The following FER variants were observed in gnomAD, a reference collection of about 807,000 sequenced individuals.
FER encodes the protein tyrosine-protein kinase Fer.
A neutral mutation model predicts 111.0 loss-of-function variants in FER; 63 were observed. The ratio of observed to expected loss-of-function variants is 0.57; its 90% confidence interval spans 0.46 to 0.70. The LOEUF (loss-of-function observed/expected upper bound fraction) is 0.70, where lower values mean the gene tolerates loss of function less well. Ranked by LOEUF, FER falls within the 30% of genes least tolerant of loss-of-function variation. FER has a pLI of 0.00. For missense variants in FER, 914 were observed against 954.0 expected (o/e 0.96, Z 0.55); for synonymous variants, 327 against 313.9 (o/e 1.04, Z -0.44).
intron 16 of FER, among the ~76,000 whole-genome samples, chr5:109,071,062 C>G (rs1458140207): frequency 6.6e-6 from 1 of 151,970 alleles, no homozygotes; most frequent in African/African-American, 2.4e-5. Context: ...TGTCTATCTT[C>G]TATTAATGAG....
chr5:109,131,094 G>C (rs1452533996), intron 17 of FER, among the ~76,000 whole-genome samples: 5 of 152,138 alleles, frequency 3.3e-5, no homozygotes, highest in Admixed American at 2.6e-4. Flanking sequence ...TTAGAGAAGA[G>C]AGAAACTGAT....
At chr5:108,913,883 G>A (rs949140071) in intron 10 of FER, among the ~76,000 whole-genome samples, 66 of 152,258 alleles carry the variant, frequency 4.3e-4, no homozygotes, top group African/African-American at 1.3e-3. Flanking sequence ...ATAATGCTAA[G>A]TGAAAAGACA....
chr5:109,125,560 A>G (rs1040513065), intron 17 of FER, among the ~76,000 whole-genome samples: 1 of 152,210 alleles, frequency 6.6e-6, no homozygotes, highest in African/African-American at 2.4e-5. Flanking sequence ...AGTCTATGAA[A>G]TTAGGATAAT....
At chr5:109,128,416 A>G (rs986824944) in intron 17 of FER, among the ~76,000 whole-genome samples, 11 of 152,174 alleles carry the variant, frequency 7.2e-5, no homozygotes, top group Non-Finnish European at 1.0e-4. Context: ...GTCATTCACA[A>G]TAAACACTTT....
At chr5:109,051,633 A>T (rs190798243) in intron 16 of FER, 19,867 of 1,588,288 alleles carry the variant, frequency 0.013, 236 homozygotes, top group Non-Finnish European at 0.013. Context: ...GCGAGAGGGG[A>T]GCAGTTGGTG....
chr5:108,821,067 G>T (rs564548773), intron 3 of FER, among the ~76,000 whole-genome samples: 1 of 152,328 alleles, frequency 6.6e-6, no homozygotes, highest in East Asian at 1.9e-4. Context: ...AGCCAGGATT[G>T]CTCCACTGTA....
chr5:109,123,540 T>C (rs1294832120), intron 17 of FER, among the ~76,000 whole-genome samples: 1 of 152,092 alleles, frequency 6.6e-6, no homozygotes, highest in East Asian at 1.9e-4. Flanking sequence ...TTTTTGTATA[T>C]CTCTTGTATG....
At chr5:108,964,372 T>G (rs1010352282) in intron 13 of FER, among the ~76,000 whole-genome samples, 23 of 152,260 alleles carry the variant, frequency 1.5e-4, no homozygotes, top group African/African-American at 5.1e-4. Context: ...TCTGTGTGGT[T>G]GTATAAAGGG....
intron 13 of FER, among the ~76,000 whole-genome samples, chr5:108,968,362 G>T (rs1458429209): frequency 1.3e-5 from 2 of 152,068 alleles, no homozygotes; most frequent in Non-Finnish European, 2.9e-5. Flanking sequence ...CCTCTAGCCT[G>T]GGCCACAGAG....
intron 1 of FER, among the ~76,000 whole-genome samples, chr5:108,762,517 G>A (rs2900035): frequency 0.44 from 66,639 of 151,940 alleles, 16,653 homozygotes; most frequent in African/African-American, 0.69. Context: ...CTTTTTAGAC[G>A]TAAGAGATCA....
At chr5:109,076,020 A>G (rs1033901346) in intron 16 of FER, among the ~76,000 whole-genome samples, 19 of 152,106 alleles carry the variant, frequency 1.2e-4, no homozygotes, top group Non-Finnish European at 1.5e-5. Flanking sequence ...CAGGGAACAC[A>G]TACTCTTTTA....
chr5:108,981,092 A>C (rs1334407648), intron 13 of FER, among the ~76,000 whole-genome samples: 2 of 152,136 alleles, frequency 1.3e-5, no homozygotes, highest in African/African-American at 4.8e-5. Flanking sequence ...ACAATAAAAT[A>C]AGGTATGCTT....
intron 16 of FER, among the ~76,000 whole-genome samples, chr5:109,069,872 G>A (rs1249719833): frequency 6.6e-6 from 1 of 152,040 alleles, no homozygotes; most frequent in African/African-American, 2.4e-5. Context: ...TATTTGGTCT[G>A]TTTTACTTCA....
At chr5:109,172,436 A>G (rs1022908904) in intron 17 of FER, among the ~76,000 whole-genome samples, 8 of 134,658 alleles carry the variant, frequency 5.9e-5, no homozygotes, top group African/African-American at 1.7e-4. Flanking sequence ...TTGAACAATG[A>G]GAACACATGG....
intron 5 of FER, among the ~76,000 whole-genome samples, chr5:108,859,308 A>G (rs1763289248): frequency 6.6e-6 from 1 of 152,102 alleles, no homozygotes; most frequent in Non-Finnish European, 1.5e-5. Context: ...TTTTTAGATC[A>G]GTCTTAAGCA....
chr5:108,814,657 A>G (rs1388788903), intron 3 of FER, among the ~76,000 whole-genome samples: 2 of 152,200 alleles, frequency 1.3e-5, no homozygotes, highest in South Asian at 2.1e-4. Context: ...TTTAGTAAAC[A>G]TTATCAATCT....
chr5:109,087,955 G>A (rs1055200269), intron 16 of FER, among the ~76,000 whole-genome samples: 1 of 151,812 alleles, frequency 6.6e-6, no homozygotes, highest in Non-Finnish European at 1.5e-5. Flanking sequence ...ATGTTTTTTA[G>A]TAATTGGCTC....
At chr5:108,861,807 A>G (rs1763550433) in intron 5 of FER, among the ~76,000 whole-genome samples, 3 of 152,170 alleles carry the variant, frequency 2.0e-5, no homozygotes, top group African/African-American at 4.8e-5. Flanking sequence ...TATTTGTAAC[A>G]TTGGTTTTTA....
chr5:108,967,962 A>G (rs1186142315), intron 13 of FER, among the ~76,000 whole-genome samples: 3 of 152,176 alleles, frequency 2.0e-5, no homozygotes, highest in Non-Finnish European at 2.9e-5. Flanking sequence ...ACCTGCCCCT[A>G]TCTGCCTAGG....
Sources: allele counts gnomAD v4.1 joint callset (sites outside exome capture counted in the v4.1 genomes callset), GRCh38; gene constraint gnomAD v4.1.1; transcripts MANE v1.5; gene names NCBI Gene and HGNC (gene_info 2026-07-23, HGNC 2026-07-21).